The following KRT26 variants were observed in gnomAD, a reference collection of about 807,000 sequenced individuals.
KRT26 encodes the protein keratin, type I cytoskeletal 26.
A neutral mutation model predicts 46.1 loss-of-function variants in KRT26; 45 were observed. The observed-to-expected ratio is 0.98, with a 90% CI of 0.77 to 1.25. KRT26 has a LOEUF of 1.25. Ranked by LOEUF, KRT26 falls within the 50% of genes most tolerant of loss-of-function variation. KRT26 has a pLI of 0.00. For synonymous variants in KRT26, 191 were observed against 209.9 expected (o/e 0.91, Z 0.78); for missense variants, 582 against 560.1 (o/e 1.04, Z -0.39).
exon 5 of KRT26, chr17:40,769,871 C>T (rs757692104): frequency 1.9e-5 from 30 of 1,614,024 alleles, no homozygotes; most frequent in East Asian, 8.9e-5. Flanking sequence ...GTTGTTGCAG[C>T]GTTGCACTCT....
exon 6 of KRT26, chr17:40,769,047 T>C (rs779225138): frequency 1.9e-6 from 3 of 1,614,100 alleles, no homozygotes; most frequent in South Asian, 2.2e-5. Context: ...CTGGAGTTGA[T>C]TGCAGTAATT....
In KRT26 at chr17:40,766,514, AT is replaced by A; in HGVS notation, c.1407del (p.Ter469TyrfsTer66). On this transcript the variant is annotated frameshift_variant and stop_lost, in exon 8 of 8. Transcript: ENST00000335552. LOFTEE classifies it high-confidence loss of function. ...TTTCTTTCCAAATAACTTTTTCCTCATTATGGTGCTTTAGAAGGTACTCGTT... is the reference window on the plus strand; with the variant it reads ...TTTCTTTCCAAATAACTTTTTCCTCATATGGTGCTTTAGAAGGTACTCGTT... 1 of 1,563,768 alleles carries A rather than the reference AT, an allele frequency of 6.4e-7. No homozygotes were observed. Among genetic ancestry groups the A allele is most frequent in the Non-Finnish European group, 8.7e-7 (1 of 1,155,540 alleles).
chr17:40,771,276 G>A (rs776387260), intron 1 of KRT26, 40 bp from the exon 2 acceptor site: 3 of 1,080,392 alleles, frequency 2.8e-6, no homozygotes, highest in Non-Finnish European at 4.2e-6. Context: ...ATTACCAAAA[G>A]TCAAAGGAGG....
At chr17:40,770,143 C>T in intron 3 of KRT26, 21 bp from the exon 4 acceptor site, 1 of 1,613,976 alleles carries the variant, frequency 6.2e-7, no homozygotes, top group Non-Finnish European at 8.5e-7. Context: ...GATCGGTATT[C>T]ATCCTCAGTG....
At chr17:40,767,543 G>A (rs774185262) in intron 7 of KRT26, 43 bp downstream of exon 7, 53 of 1,123,098 alleles carry the variant, frequency 4.7e-5, no homozygotes, top group Non-Finnish European at 6.8e-5. Flanking sequence ...CACAATTGAT[G>A]GAGTTTAAGG....
At chr17:40,768,779 C>A (rs76442168) in intron 6 of KRT26, 100 bp downstream of exon 6, 33,895 of 622,516 alleles carry the variant, frequency 0.054, 1,161 homozygotes, top group Middle Eastern at 0.075. Flanking sequence ...TGTATGATCT[C>A]CAGAGTAGGA....
At chr17:40,770,287 T>A in exon 3 of KRT26, 1 of 1,614,160 alleles carries the variant, frequency 6.2e-7, no homozygotes. Flanking sequence ...GGTCAATTCC[T>A]CACTGAGGGT....
chr17:40,771,225 C>G (rs983307855), exon 2 of KRT26: 1 of 1,596,374 alleles, frequency 6.3e-7, no homozygotes, highest in South Asian at 1.1e-5. Context: ...TGCAGATGGT[C>G]GCAGAAATAA....
Position 40,767,657 on chromosome 17 carries a change from TGAAGA to T in KRT26, c.1188-9_1188-5del. 1.3e-6 allele frequency: 2 copies of T among 1,590,362 alleles called. No homozygotes were observed. The highest frequency in any genetic ancestry group is 1.7e-6 in the Non-Finnish European group (2 of 1,164,522). On this transcript the variant is annotated splice_polypyrimidine_tract_variant and splice_region_variant and intron_variant, in intron 6 of 7. Transcript: ENST00000335552. ...GTAACATGTGGATTTGCTTTTTCTG[TGAAGA>T]GAAGAGTAAATTATTGCATTTTTTT...
Position 40,771,857 on chromosome 17 carries a change from G to A in KRT26, c.257C>T (p.Thr86Ile), listed in dbSNP as rs146732723. Residue 86 changes from threonine (T) to isoleucine (I), a missense_variant, in exon 1 of 8, where the codon ACC (threonine) becomes ATC (isoleucine). Thr to Ile is a moderately conservative substitution (Grantham distance 89). Transcript: ENST00000335552. The stretch of plus-strand genomic sequence containing the variant: ...CAGGCGGTCGTTGAGATTCTGCATG[G>A]TCACCTTTTCATTCCCAGAGAGGAG... 154 of 1,614,132 alleles carry A rather than the reference G, an allele frequency of 9.5e-5. No individual in the cohort carries two copies. Among genetic ancestry groups the A allele is most frequent in the African/African-American group, 5.6e-4 (42 of 75,014 alleles).
At chr17:40,770,375 C>G in exon 3 of KRT26, 1 of 1,611,860 alleles carries the variant, frequency 6.2e-7, no homozygotes. Context: ...GTGTCGGCCT[C>G]AACACTGTGG....
intron 6 of KRT26, among the ~76,000 whole-genome samples, chr17:40,767,907 C>A (rs371961512): frequency 1.3e-5 from 2 of 152,316 alleles, no homozygotes; most frequent in East Asian, 3.9e-4. Flanking sequence ...CTCACTCTGA[C>A]TTTTCAATCA....
chr17:40,767,974 G>A lies in KRT26; in HGVS notation c.1188-321C>T, dbSNP rs115013394. ...CATGAAAAAGGTGTTGCTGGGCTAG[G>A]TGCTGCAGAAGATATAGAACCAAGA... On this transcript the variant is annotated intron_variant, in intron 6 of 7. Coordinates refer to ENST00000335552, the Ensembl canonical transcript of KRT26. Among the ~76,000 whole-genome samples, 1,112 of 152,304 alleles carry A rather than the reference G, an allele frequency of 7.3e-3. 16 individuals carry two copies. The highest frequency in any genetic ancestry group is 0.026 in the African/African-American group (1,066 of 41,562).
At position 40,770,425 on chromosome 17, in the gene KRT26, G is replaced by A; in HGVS notation, c.525-16C>T. The A allele has an allele frequency of 3.8e-6, 6 of 1,569,132 alleles. No individual in the cohort carries two copies. The highest frequency in any genetic ancestry group is 2.2e-5 in the East Asian group (1 of 44,560). ...ATTTTCATACCTGAAAGATTAGTAAGGCACCTGAGAGTTGTCATCGTAGGC... is the reference window on the plus strand; with the variant it reads ...ATTTTCATACCTGAAAGATTAGTAAAGCACCTGAGAGTTGTCATCGTAGGC... On this transcript the variant is annotated splice_polypyrimidine_tract_variant and intron_variant, in intron 2 of 7. Coordinates refer to ENST00000335552, the Ensembl canonical transcript of KRT26.
chr17:40,771,765 C>G (rs1174490502), exon 1 of KRT26: 1 of 1,614,158 alleles, frequency 6.2e-7, no homozygotes, highest in South Asian at 1.1e-5. Context: ...TCGTACCAGC[C>G]CTTGATCTTC....
Position 40,769,753 on chromosome 17 carries a change from C to T in KRT26, c.969+1G>A. The T allele has an allele frequency of 2.5e-6, 4 of 1,614,116 alleles. No individual in the cohort carries two copies. Among genetic ancestry groups the T allele is most frequent in the Non-Finnish European group, 2.5e-6 (3 of 1,180,012 alleles). On this transcript the variant is annotated splice_donor_variant, in intron 5 of 7. Transcript: ENST00000335552. LOFTEE classifies it high-confidence loss of function. ...TCAATTCAATGGCGATTCCTACGTA[C>T]CACAGCCATGAGGGACTGAAGTTCT...
Position 40,770,397 on chromosome 17 carries a change from C to T in KRT26, c.537G>A (p.Glu179=), listed in dbSNP as rs148303307. The change falls in exon 3 of 8, where the codon GAG becomes GAA. Residue 179 remains glutamate, a synonymous_variant. Transcript: ENST00000335552. ...CCTCAACACTGTGGTGCAGAGCCAG[C>T]TCATTTTCATACCTGAAAGATTAGT... The T allele has an allele frequency of 2.3e-5, 36 of 1,589,646 alleles. No homozygotes were observed. The African/African-American group carries it at 3.9e-4, about 17-fold the overall frequency.
chr17:40,767,693 T>C lies in KRT26; in HGVS notation c.1188-40A>G, dbSNP rs1236501987. 1.4e-5 allele frequency: 16 copies of C among 1,180,090 alleles called. No individual in the cohort carries two copies. In the African/African-American group the frequency reaches 1.4e-4, roughly 10 times the overall value. 73.1% of individuals were successfully genotyped at this position (1,180,090 alleles called of 1,614,324 possible). On this transcript the variant is annotated intron_variant, in intron 6 of 7. Coordinates refer to ENST00000335552, the Ensembl canonical transcript of KRT26. ...GTAAATTATTGCATTTTTTTTTCTT[T>C]CCTTAGTGAGCTTATAAATACCTCT... is the stretch of plus-strand genomic sequence containing the variant.
chr17:40,772,070 C>A (rs185169985), exon 1 of KRT26: 4 of 1,614,114 alleles, frequency 2.5e-6, no homozygotes, highest in South Asian at 2.2e-5. Flanking sequence ...AGACCCAGTT[C>A]GCGAGCAGAT....
Sources: gnomAD v4.1 joint callset for allele counts (sites outside exome capture counted in the v4.1 genomes callset) on GRCh38, gnomAD v4.1.1 for gene constraint, MANE v1.5 for transcripts, NCBI Gene and HGNC (gene_info 2026-07-23, HGNC 2026-07-21) for gene names.